MCTP1: variants seen among roughly 807,000 people sequenced by gnomAD.
The protein encoded by MCTP1 is multiple C2 and transmembrane domain-containing protein 1.
Under a neutral mutation model 120.6 loss-of-function variants are expected in MCTP1, and 69 were observed. The ratio of observed to expected loss-of-function variants is 0.57; its 90% CI spans 0.47 to 0.70. The LOEUF (loss-of-function observed/expected upper bound fraction) is 0.70. Among genes scored for constraint, MCTP1 ranks in the 30% least tolerant of loss-of-function variants. The probability of loss-of-function intolerance (pLI) is 0.00; values close to 1 mark genes in which losing one functional copy is unlikely to be tolerated. For missense variants in MCTP1, 1,203 were observed against 1,248.8 expected (o/e 0.96, Z 0.55); for synonymous variants, 529 against 493.1 (o/e 1.07, Z -0.96).
At chr5:94,826,607 A>G in intron 17 of MCTP1, 1 of 771,454 alleles carries the variant, frequency 1.3e-6, no homozygotes. Flanking sequence ...CAGGCTCTTG[A>G]TCTTCAGCTC....
intron 19 of MCTP1, among the ~76,000 whole-genome samples, chr5:94,768,383 C>A (rs1773289210): frequency 6.6e-6 from 1 of 151,946 alleles, no homozygotes; most frequent in Admixed American, 6.6e-5. Flanking sequence ...GCACAGGCAG[C>A]AGAAACAAAA....
At chr5:94,798,392 A>G (rs1762959261) in intron 18 of MCTP1, among the ~76,000 whole-genome samples, 2 of 152,178 alleles carry the variant, frequency 1.3e-5, no homozygotes, top group Admixed American at 1.3e-4. Flanking sequence ...AGGTTGTCTC[A>G]TACAATCTGC....
chr5:95,007,445 C>T (rs1336918258), intron 2 of MCTP1, among the ~76,000 whole-genome samples: 3 of 152,120 alleles, frequency 2.0e-5, no homozygotes, highest in Non-Finnish European at 2.9e-5. Context: ...TATGCAAATG[C>T]CAACCATCAT....
Position 94,771,036 on chromosome 5 carries a change from T to C in MCTP1, c.2610+8074A>G, listed in dbSNP as rs540042933. Among the ~76,000 whole-genome samples the C allele has an allele frequency of 1.2e-4, 19 of 152,308 alleles. No individual in the cohort carries two copies. In the East Asian group the frequency reaches 3.7e-3, roughly 29 times the overall value. On this transcript the variant is annotated intron_variant, in intron 19 of 22. Transcript: ENST00000515393. ...CCATTGCTGCCTCAAAACTACTCCA[T>C]AATATCACAATCAAGCCAAACACCA...
chr5:95,262,846 T>G (rs1394731236), intron 1 of MCTP1, among the ~76,000 whole-genome samples: 1 of 152,214 alleles, frequency 6.6e-6, no homozygotes, highest in Non-Finnish European at 1.5e-5. Flanking sequence ...TATCCCTAAT[T>G]ATTCTATATA....
intron 1 of MCTP1, among the ~76,000 whole-genome samples, chr5:95,279,404 T>A (rs1760130584): frequency 6.6e-6 from 1 of 152,230 alleles, no homozygotes; most frequent in Non-Finnish European, 1.5e-5. Context: ...AAAATTGTAA[T>A]GTCACCAGTA....
intron 19 of MCTP1, among the ~76,000 whole-genome samples, chr5:94,733,814 A>G (rs1763604566): frequency 6.6e-6 from 1 of 152,044 alleles, no homozygotes; most frequent in Admixed American, 6.5e-5. Context: ...AAATACAAAA[A>G]TTAGCCGGGC....
rs556219020 is a variant in MCTP1, at chr5:95,274,046, T to G, written c.720+9810A>C. Among the ~76,000 whole-genome samples, 33 of 152,252 alleles carry G rather than the reference T, an allele frequency of 2.2e-4. No homozygotes were observed. In the South Asian group the frequency reaches 6.8e-3, roughly 32 times the overall value. ...CAGCTTCGCCCTCCTAAGGCTCAGG[T>G]TGACCCAGTCACTACCCTGCTCAAT... On this transcript the variant is annotated intron_variant, in intron 1 of 22. Transcript: ENST00000515393.
intron 1 of MCTP1, among the ~76,000 whole-genome samples, chr5:95,103,671 T>C (rs1026806171): frequency 1.3e-5 from 2 of 152,216 alleles, no homozygotes; most frequent in African/African-American, 4.8e-5. Context: ...TACTGCACTT[T>C]ATTCAACAAT....
chr5:95,006,551 C>T (rs2153647496), intron 2 of MCTP1, among the ~76,000 whole-genome samples: 1 of 152,206 alleles, frequency 6.6e-6, no homozygotes, highest in Middle Eastern at 3.4e-3. Context: ...CTGATTCCCA[C>T]CAACTGTAGG....
intron 1 of MCTP1, among the ~76,000 whole-genome samples, chr5:95,039,443 C>T (rs1018878115): frequency 1.3e-5 from 2 of 152,126 alleles, no homozygotes; most frequent in Admixed American, 6.6e-5. Flanking sequence ...ATTATTCATA[C>T]TTACAGTGGG....
chr5:94,912,697 T>G, intron 9 of MCTP1, 109 bp downstream of exon 9: 1 of 848,052 alleles, frequency 1.2e-6, no homozygotes, highest in Non-Finnish European at 1.7e-6. Context: ...TTCAAAAGAG[T>G]TTGTTAAGCA....
intron 19 of MCTP1, among the ~76,000 whole-genome samples, chr5:94,719,672 C>A (rs1022217743): frequency 6.6e-6 from 1 of 151,888 alleles, no homozygotes; most frequent in Non-Finnish European, 1.5e-5. Context: ...AGGTGGTGTG[C>A]GGGGAGCAAT....
intron 19 of MCTP1, among the ~76,000 whole-genome samples, chr5:94,722,838 A>C (rs1157954615): frequency 2.6e-5 from 4 of 152,184 alleles, no homozygotes; most frequent in African/African-American, 9.7e-5. Flanking sequence ...CAACGTCTAA[A>C]ATTATGTTTG....
At chr5:95,210,691 C>T (rs1480928529) in intron 1 of MCTP1, among the ~76,000 whole-genome samples, 11 of 151,114 alleles carry the variant, frequency 7.3e-5, no homozygotes, top group South Asian at 4.2e-4. Context: ...GTTAATATTG[C>T]TATGTGTGAA....
At chr5:95,196,401 C>T in intron 1 of MCTP1, among the ~76,000 whole-genome samples, 1 of 152,072 alleles carries the variant, frequency 6.6e-6, no homozygotes, top group Non-Finnish European at 1.5e-5. Flanking sequence ...GAACAATTTC[C>T]TCAAGAATAC....
rs183443228 is a variant in MCTP1, at chr5:95,128,583, T to C, written c.721-111099A>G. Among the ~76,000 whole-genome samples, 260 of 152,320 alleles carry C rather than the reference T, an allele frequency of 1.7e-3. 1 individual carries two copies. The highest frequency in any genetic ancestry group is 2.6e-3 in the Non-Finnish European group (180 of 68,028). On this transcript the variant is annotated intron_variant, in intron 1 of 22. Transcript: ENST00000515393. ...AAGCCAGTCACAAAGGGCCACGTAT[T>C]GTATGATTCCATTTGTATGAAATAT...
chr5:94,816,869 T>C (rs1384850856), intron 17 of MCTP1, among the ~76,000 whole-genome samples: 2 of 152,158 alleles, frequency 1.3e-5, no homozygotes, highest in African/African-American at 4.8e-5. Context: ...TACTTAAGGG[T>C]ATTATTTTAT....
intron 1 of MCTP1, among the ~76,000 whole-genome samples, chr5:95,192,765 G>A (rs1237179165): frequency 6.6e-6 from 1 of 152,038 alleles, no homozygotes; most frequent in African/African-American, 2.4e-5. Context: ...GAGTATCAGA[G>A]GATTTAAGAG....
Sources: allele counts gnomAD v4.1 joint callset (sites outside exome capture counted in the v4.1 genomes callset), GRCh38; gene constraint gnomAD v4.1.1; transcripts MANE v1.5; gene names NCBI Gene and HGNC (gene_info 2026-07-23, HGNC 2026-07-21).